Variants in CADM2 observed in about 807,000 individuals in gnomAD.
CADM2 encodes the protein cell adhesion molecule 2.
A neutral mutation model predicts 49.8 loss-of-function variants in CADM2; 12 were observed. The ratio of observed to expected loss-of-function variants is 0.24; its 90% confidence interval spans 0.15 to 0.39. The LOEUF is 0.39. Ranked by LOEUF, CADM2 falls within the 10% of genes least tolerant of loss-of-function variation. The probability of loss-of-function intolerance (pLI) is 1.00; values close to 1 mark genes in which losing one functional copy is unlikely to be tolerated. For synonymous variants in CADM2, 214 were observed against 175.4 expected (o/e 1.22, Z -1.74); for missense variants, 378 against 492.3 (o/e 0.77, Z 2.20).
intron 1 of CADM2, among the ~76,000 whole-genome samples, chr3:84,983,225 G>GT (rs540152939): frequency 6.6e-6 from 1 of 151,752 alleles, no homozygotes; most frequent in African/African-American, 2.4e-5. Flanking sequence ...TAGATATAAA[G>GT]TTTTTTTCAT....
intron 1 of CADM2, among the ~76,000 whole-genome samples, chr3:85,096,010 G>A (rs1271478871): frequency 6.6e-6 from 1 of 152,022 alleles, no homozygotes; most frequent in Non-Finnish European, 1.5e-5. Context: ...ACTCTATGCT[G>A]CCACTAAAAT....
chr3:86,003,767 C>A (rs1035578248), intron 8 of CADM2, among the ~76,000 whole-genome samples: 1 of 152,106 alleles, frequency 6.6e-6, no homozygotes, highest in Non-Finnish European at 1.5e-5. Context: ...GAGGCAAACT[C>A]AAATGACTCC....
intron 1 of CADM2, among the ~76,000 whole-genome samples, chr3:85,393,001 G>A (rs1429592885): frequency 6.6e-6 from 1 of 150,976 alleles, no homozygotes. Context: ...TCATCAACTT[G>A]TACAGCTGAA....
At chr3:85,589,468 G>A (rs892470268) in intron 1 of CADM2, among the ~76,000 whole-genome samples, 7 of 151,930 alleles carry the variant, frequency 4.6e-5, no homozygotes, top group African/African-American at 1.5e-4. Flanking sequence ...CCTCTGGTAC[G>A]TGACTCCCTG....
At chr3:85,714,401 T>G (rs1164129687) in intron 1 of CADM2, among the ~76,000 whole-genome samples, 2 of 152,124 alleles carry the variant, frequency 1.3e-5, no homozygotes, top group Non-Finnish European at 2.9e-5. Context: ...TTATTTTTCC[T>G]GTCAAATTTT....
chr3:85,884,419 T>C (rs1304456975), intron 4 of CADM2, among the ~76,000 whole-genome samples: 1 of 152,306 alleles, frequency 6.6e-6, no homozygotes, highest in East Asian at 1.9e-4. Flanking sequence ...GACTATTTTA[T>C]AAAAATCTTC....
intron 1 of CADM2, among the ~76,000 whole-genome samples, chr3:85,309,073 C>T (rs1296930591): frequency 6.6e-6 from 1 of 152,104 alleles, no homozygotes; most frequent in Non-Finnish European, 1.5e-5. Context: ...GACTATAACA[C>T]TTCCTTTGTC....
chr3:85,083,204 A>G (rs1367783909), intron 1 of CADM2, among the ~76,000 whole-genome samples: 1 of 152,138 alleles, frequency 6.6e-6, no homozygotes, highest in Non-Finnish European at 1.5e-5. Flanking sequence ...TATTTTTCAG[A>G]TGCCTGGGCT....
At chr3:85,350,103 G>A (rs2031189606) in intron 1 of CADM2, among the ~76,000 whole-genome samples, 1 of 152,180 alleles carries the variant, frequency 6.6e-6, no homozygotes, top group African/African-American at 2.4e-5. Flanking sequence ...AACGAGGACA[G>A]AGGAATAGCG....
intron 6 of CADM2, 66 bp downstream of exon 6, chr3:85,912,609 A>T: frequency 6.8e-7 from 1 of 1,470,784 alleles, no homozygotes; most frequent in Non-Finnish European, 9.3e-7. Context: ...ATCTAAAATC[A>T]TTTCAAAACT....
At chr3:85,531,757 T>G (rs1480822211) in intron 1 of CADM2, among the ~76,000 whole-genome samples, 2 of 152,040 alleles carry the variant, frequency 1.3e-5, no homozygotes, top group African/African-American at 4.8e-5. Context: ...GAAATAAAGG[T>G]AGAAAAATAA....
chr3:85,667,860 A>AT (rs2065617874), intron 1 of CADM2, among the ~76,000 whole-genome samples: 1 of 152,034 alleles, frequency 6.6e-6, no homozygotes, highest in South Asian at 2.1e-4. Flanking sequence ...TATCTTTCTC[A>AT]TAGGATAGTT....
chr3:85,847,799 A>G (rs1014664184), intron 3 of CADM2, among the ~76,000 whole-genome samples: 7 of 152,170 alleles, frequency 4.6e-5, no homozygotes, highest in East Asian at 1.9e-4. Flanking sequence ...ATTTAGGGCT[A>G]TAACTCTGAG....
At chr3:85,816,107 T>G (rs2073185155) in intron 3 of CADM2, among the ~76,000 whole-genome samples, 1 of 138,302 alleles carries the variant, frequency 7.2e-6, no homozygotes, top group African/African-American at 2.5e-5. Flanking sequence ...AGTTTACTGT[T>G]TAACTTTTAC....
chr3:85,919,264 G>C lies in CADM2; in HGVS notation c.700+6721G>C, dbSNP rs181689220. Among the ~76,000 whole-genome samples the C allele has an allele frequency of 2.2e-3, 328 of 152,032 alleles. 1 individual carries two copies. The highest frequency in any genetic ancestry group is 7.7e-3 in the African/African-American group (319 of 41,540). ...TACTAGGCTTTGCCTATAAAAATGA[G>C]TAGCTATTTACACATGAAAGTTATT... On this transcript the variant is annotated intron_variant, in intron 6 of 9. Coordinates refer to ENST00000383699, the MANE Select transcript of CADM2 (RefSeq NM_001167675.2).
At chr3:85,588,453 C>T (rs1320309882) in intron 1 of CADM2, among the ~76,000 whole-genome samples, 2 of 151,996 alleles carry the variant, frequency 1.3e-5, no homozygotes, top group Non-Finnish European at 2.9e-5. Context: ...CAATAAGAGC[C>T]AGCAGATCTG....
chr3:85,781,273 C>G (rs2070634602), intron 2 of CADM2, among the ~76,000 whole-genome samples: 1 of 152,138 alleles, frequency 6.6e-6, no homozygotes, highest in Non-Finnish European at 1.5e-5. Context: ...TTAAGTCTTA[C>G]TGCTATTTTT....
chr3:85,199,370 T>TGTGTGAGAGAGAGAGAGAGAGAGAGAGA (rs1553694531), intron 1 of CADM2, among the ~76,000 whole-genome samples: 43 of 140,160 alleles, frequency 3.1e-4, no homozygotes, highest in African/African-American at 1.1e-3. Flanking sequence ...TGTGTGTGTA[T>TGTGTGAGAGAGAGAGAGAGAGAGAGAGA]GAGAGAGAGA....
intron 8 of CADM2, among the ~76,000 whole-genome samples, chr3:86,008,405 G>A (rs1472777115): frequency 6.7e-6 from 1 of 148,714 alleles, no homozygotes; most frequent in African/African-American, 2.4e-5. Flanking sequence ...AAAAATATAA[G>A]TCAGTTTAGA....
Sources: allele counts gnomAD v4.1 joint callset (sites outside exome capture counted in the v4.1 genomes callset), GRCh38; gene constraint gnomAD v4.1.1; transcripts MANE v1.5; gene names NCBI Gene and HGNC (gene_info 2026-07-23, HGNC 2026-07-21).